TRIM36: variants seen among roughly 807,000 people sequenced by gnomAD.
TRIM36 encodes the protein E3 ubiquitin-protein ligase TRIM36.
In TRIM36, 42 loss-of-function variants were observed where a neutral mutation model predicts 72.4. The observed-to-expected ratio is 0.58, with a 90% CI of 0.45 to 0.75. TRIM36 has a LOEUF of 0.75. Ranked by LOEUF, TRIM36 falls within the 30% of genes least tolerant of loss-of-function variation. The probability of loss-of-function intolerance (pLI) is 0.00; values close to 1 mark genes in which losing one functional copy is unlikely to be tolerated. For synonymous variants in TRIM36, 315 were observed against 282.8 expected (o/e 1.11, Z -1.14); for missense variants, 913 against 857.1 (o/e 1.07, Z -0.81).
At chr5:115,146,713 T>G (rs1488683553) in intron 3 of TRIM36, among the ~76,000 whole-genome samples, 2 of 152,202 alleles carry the variant, frequency 1.3e-5, no homozygotes, top group East Asian at 3.8e-4. Context: ...CAATTATGGA[T>G]TTATGACACT....
chr5:115,160,439 A>C (rs574807793), intron 2 of TRIM36, among the ~76,000 whole-genome samples: 18 of 152,320 alleles, frequency 1.2e-4, no homozygotes, highest in African/African-American at 4.3e-4. Context: ...AACTCACAGC[A>C]TATCTCAATT....
intron 5 of TRIM36, among the ~76,000 whole-genome samples, chr5:115,139,426 C>T (rs746200778): frequency 6.6e-6 from 1 of 152,220 alleles, no homozygotes; most frequent in African/African-American, 2.4e-5. Context: ...TGGCTAAGAA[C>T]ATTCTTAAAA....
chr5:115,134,203 T>C (rs1236640463), intron 7 of TRIM36, 56 bp from the exon 8 acceptor site: 2 of 1,455,168 alleles, frequency 1.4e-6, no homozygotes, highest in African/African-American at 2.9e-5. Flanking sequence ...TGAAAACCAG[T>C]GTTTTTCCTC....
Position 115,177,427 on chromosome 5 carries a change from CTT to C in TRIM36, c.63+2546_63+2547del. 5 of 875,710 alleles carry C rather than the reference CTT, an allele frequency of 5.7e-6. No individual in the cohort carries two copies. The South Asian group carries it at 1.7e-4, about 29-fold the overall frequency. The allele number at this position is 875,710 out of a possible 1,614,324, so 54.2% of individuals were successfully genotyped here. ...CAGGCCAACTACAGGCCTCTACTCTCTTAACTCTCATAATTAGACCAGTTTCC... is the reference window on the plus strand; with the variant it reads ...CAGGCCAACTACAGGCCTCTACTCTCAACTCTCATAATTAGACCAGTTTCC... On this transcript the variant is annotated intron_variant, in intron 1 of 9. Transcript: ENST00000282369.
intron 2 of TRIM36, 113 bp from the exon 3 acceptor site, chr5:115,147,507 TC>T: frequency 8.0e-7 from 1 of 1,249,964 alleles, no homozygotes; most frequent in Non-Finnish European, 1.1e-6. Flanking sequence ...AAAAACAGTA[TC>T]CGAAGTGGCT....
At chr5:115,171,864 A>G (rs568207163), upstream of TRIM36, among the ~76,000 whole-genome samples, 22 of 152,288 alleles carry the variant, frequency 1.4e-4, no homozygotes, top group East Asian at 2.1e-3. Flanking sequence ...CAACCTTACC[A>G]TTATCACCCC....
Position 115,164,805 on chromosome 5 carries a change from C to G in TRIM36, c.28-1053G>C, listed in dbSNP as rs375556376. Among the ~76,000 whole-genome samples the G allele has an allele frequency of 3.8e-4, 58 of 152,344 alleles. 2 individuals carry two copies. The highest frequency in any genetic ancestry group is 1.3e-3 in the African/African-American group (54 of 41,568). On this transcript the variant is annotated intron_variant, in intron 1 of 9. Coordinates refer to ENST00000513154, the MANE Select transcript of TRIM36 (RefSeq NM_001300759.2). ...TCATTTCAGCATTAGCTCAAAAGTC[C>G]AAGTCCAAAGTCTCATCTGAGACAA...
intron 2 of TRIM36, chr5:115,148,419 T>C: frequency 1.6e-6 from 1 of 617,072 alleles, no homozygotes; most frequent in Non-Finnish European, 2.0e-6. Context: ...TCTGTTCTTT[T>C]TTTTTTTTTT....
chr5:115,144,104 G>A lies in TRIM36; in HGVS notation c.735+494C>T, dbSNP rs1231149212. Among the ~76,000 whole-genome samples, 6 of 151,866 alleles carry A rather than the reference G, an allele frequency of 4.0e-5. No individual in the cohort carries two copies. In the East Asian group the frequency reaches 1.2e-3, roughly 29 times the overall value. On this transcript the variant is annotated intron_variant, in intron 4 of 9. Transcript: ENST00000513154. ...TTAGCCAGGATGGTCTCGATCTCCT[G>A]ACCTCGTGATCCGCCCGCCTCGGCC...
intron 2 of TRIM36, among the ~76,000 whole-genome samples, chr5:115,158,034 G>C (rs1754276384): frequency 1.3e-5 from 2 of 152,044 alleles, no homozygotes. Context: ...CGGGTTATGG[G>C]TGCACCAAAA....
intron 5 of TRIM36, among the ~76,000 whole-genome samples, chr5:115,140,061 A>G (rs1308974953): frequency 6.6e-6 from 1 of 152,204 alleles, no homozygotes; most frequent in African/African-American, 2.4e-5. Context: ...AAAATATGAA[A>G]AAGAAAACCC....
chr5:115,170,300 C>T (rs531293040), upstream of TRIM36, among the ~76,000 whole-genome samples: 128 of 152,332 alleles, frequency 8.4e-4, no homozygotes, highest in African/African-American at 2.8e-3. Context: ...AGCCCTGGCC[C>T]CTGGCCCCTG....
intron 5 of TRIM36, 43 bp from the exon 6 acceptor site, chr5:115,137,659 G>C (rs776889202): frequency 2.4e-5 from 37 of 1,510,402 alleles, no homozygotes; most frequent in Non-Finnish European, 3.2e-5. Flanking sequence ...ATAAAACAAA[G>C]AATAGCCTCT....
exon 1 of TRIM36, chr5:115,180,026 A>G: frequency 1.2e-6 from 2 of 1,614,066 alleles, no homozygotes; most frequent in Non-Finnish European, 1.7e-6. Flanking sequence ...TCATCTCCCC[A>G]GACTCCGACA....
At chr5:115,165,514 C>A (rs1369885234) in intron 1 of TRIM36, among the ~76,000 whole-genome samples, 1 of 152,208 alleles carries the variant, frequency 6.6e-6, no homozygotes, top group Non-Finnish European at 1.5e-5. Flanking sequence ...CTGAACTGTA[C>A]CTTGGCCCCT....
intron 1 of TRIM36, among the ~76,000 whole-genome samples, chr5:115,175,971 A>C (rs1242045479): frequency 1.3e-5 from 2 of 152,062 alleles, no homozygotes; most frequent in Non-Finnish European, 2.9e-5. Flanking sequence ...CTAATAATAC[A>C]AAAAATTAGC....
intron 2 of TRIM36, among the ~76,000 whole-genome samples, chr5:115,151,672 A>G (rs1464181475): frequency 6.6e-6 from 1 of 152,186 alleles, no homozygotes; most frequent in Admixed American, 6.5e-5. Flanking sequence ...GGTGGTATCC[A>G]TGGCTGAAAG....
chr5:115,130,061 T>G (rs1752592539), intron 9 of TRIM36, among the ~76,000 whole-genome samples: 1 of 152,166 alleles, frequency 6.6e-6, no homozygotes. Flanking sequence ...ACATGAGTGG[T>G]CAAAAATTAT....
At chr5:115,159,662 G>A (rs745656860) in intron 2 of TRIM36, 84 of 454,136 alleles carry the variant, frequency 1.8e-4, no homozygotes, top group Admixed American at 1.6e-3. Context: ...ACAGATCTCC[G>A]TTGTGATGCT....
Sources: allele counts gnomAD v4.1 joint callset (sites outside exome capture counted in the v4.1 genomes callset), GRCh38; gene constraint gnomAD v4.1.1; transcripts MANE v1.5; gene names NCBI Gene and HGNC (gene_info 2026-07-23, HGNC 2026-07-21).